Variants in CHD3 observed in about 807,000 individuals in gnomAD.
CHD3 encodes the protein chromodomain helicase DNA binding protein 3.
Under a neutral mutation model 248.9 loss-of-function variants are expected in CHD3, and 52 were observed. The observed-to-expected ratio is 0.21, with a 90% CI of 0.17 to 0.26. The LOEUF (loss-of-function observed/expected upper bound fraction) is 0.26, where lower values mean the gene tolerates loss of function less well. Among genes scored for constraint, CHD3 ranks in the 10% least tolerant of loss-of-function variants. CHD3 has a pLI of 1.00. For synonymous variants in CHD3, 985 were observed against 985.2 expected, an observed-to-expected ratio of 1.00 and a Z score of 0.00; for missense variants, 1,482 against 2,605.8, an observed-to-expected ratio of 0.57 and a Z score of 9.39.
Position 7,890,574 on chromosome 17 carries a change from A to G in CHD3, c.217A>G (p.Ser73Gly), listed in dbSNP as rs999597296. Residue 73 changes from serine (S) to glycine (G), a missense_variant, in exon 3 of 40, where the codon AGT becomes GGT. Physicochemically the swap from Ser to Gly is moderately conservative, Grantham distance 56 (BLOSUM62 0). Coordinates refer to ENST00000330494, the MANE Select transcript of CHD3 (RefSeq NM_001005273.3). ...TATTTTTATTTCTTTCTCTTAGGAC[A>G]GTGAGGAGGAATTTGGTTCTGAGCG... ...GKPRKRKKRD[S>G]EEEFGSERDE... The G allele has an allele frequency of 8.2e-6, 13 of 1,581,426 alleles. No homozygotes were observed. In the Admixed American group the frequency reaches 1.2e-4, roughly 14 times the overall value.
At position 7,899,600 on chromosome 17, in the gene CHD3, C is replaced by T. The variant is rs1970070234; in HGVS notation, c.2544+57C>T. The T allele has an allele frequency of 1.7e-5, 26 of 1,551,404 alleles. 1 individual carries two copies. The South Asian group carries it at 2.0e-4, about 12-fold the overall frequency. On this transcript the variant is annotated intron_variant, in intron 15 of 39. Coordinates refer to ENST00000330494, the MANE Select transcript of CHD3 (RefSeq NM_001005273.3). This position sits in a 1 kb window ranked among gnomAD's most constrained non-coding sequence, Gnocchi z 6.8. ...CCTCAAAGCTGTCACTTCTTTTTCTCAGCCAGGAATTCAGTTTCTCTATTC... is the reference window on the plus strand; with the variant it reads ...CCTCAAAGCTGTCACTTCTTTTTCTTAGCCAGGAATTCAGTTTCTCTATTC...
chr17:7,909,337 G>C lies in CHD3; in HGVS notation c.5589G>C (p.Lys1863Asn). ...GNKPANAVLH[K>N]VLNQLEELLS... Reference sequence around the variant, plus strand: ...AGCCGGCCAACGCCGTCCTGCACAAGGGTAAGGGCCGCGGCGGCCCCGCGC... The same window carrying C: ...AGCCGGCCAACGCCGTCCTGCACAACGGTAAGGGCCGCGGCGGCCCCGCGC... The change falls in exon 37 of 40, where the codon AAG (lysine) becomes AAC (asparagine). Residue 1863 changes from lysine to asparagine, a missense_variant and splice_region_variant. Lys to Asn is a moderately conservative substitution (Grantham distance 94, BLOSUM62 0). This residue lies in a region of CHD3 where 83 missense variants were observed against 181.0 expected (regional missense o/e 0.46). Transcript: ENST00000330494. This position sits in a 1 kb window ranked among gnomAD's most constrained non-coding sequence, Gnocchi z 8.1. The C allele has an allele frequency of 6.5e-7, 1 of 1,549,298 alleles. No individual in the cohort carries two copies. The highest frequency in any genetic ancestry group is 8.7e-7 in the Non-Finnish European group (1 of 1,146,912).
chr17:7,890,895 A>AG (rs1213050419), intron 3 of CHD3, 45 bp from the exon 4 acceptor site: 2 of 1,611,842 alleles, frequency 1.2e-6, no homozygotes, highest in Non-Finnish European at 1.7e-6. Flanking sequence ...GGCCTGGAAT[A>AG]GGGGCTGGAG....
chr17:7,911,009 C>T lies in CHD3; in HGVS notation c.5881+36C>T, dbSNP rs1170196885. The T allele has an allele frequency of 6.2e-7, 1 of 1,609,794 alleles. No homozygotes were observed. The highest frequency in any genetic ancestry group is 2.2e-5 in the East Asian group (1 of 44,872). On this transcript the variant is annotated intron_variant, in intron 39 of 39. Coordinates refer to ENST00000330494, the MANE Select transcript of CHD3 (RefSeq NM_001005273.3). The surrounding 1 kb of genome is among the most constrained non-coding windows in gnomAD (Gnocchi z 5.4). ...GTTTTCCTACCCCCTGCTACTCACA[C>T]TCCTCCTTTGCCAAACTTTATTTCT...
chr17:7,900,220 C>A lies in CHD3; in HGVS notation c.2683-70C>A. ...AAATGGGAGCTGGGGCAGGGAAAGG[C>A]TGATGCTGTGGGTCGGTCACTTGTC... On this transcript the variant is annotated intron_variant, in intron 16 of 39. Transcript: ENST00000330494. The surrounding 1 kb of genome is among the most constrained non-coding windows in gnomAD (Gnocchi z 6.5). 1 of 1,601,176 alleles carries A rather than the reference C, an allele frequency of 6.2e-7. No homozygotes were observed. The highest frequency in any genetic ancestry group is 1.1e-5 in the South Asian group (1 of 89,410).
chr17:7,911,435 T>A lies in CHD3; in HGVS notation c.5882-29T>A. The A allele has an allele frequency of 6.2e-7, 1 of 1,614,012 alleles. No homozygotes were observed. The highest frequency in any genetic ancestry group is 1.3e-5 in the African/African-American group (1 of 75,048). The stretch of plus-strand genomic sequence containing the variant: ...TGACGTTTGAGAGTGATCTGGAGAT[T>A]GATCTTTCCTTACCCCTTTCCCAAA... On this transcript the variant is annotated intron_variant, in intron 39 of 39. Coordinates refer to ENST00000330494, the MANE Select transcript of CHD3 (RefSeq NM_001005273.3). The surrounding 1 kb of genome is among the most constrained non-coding windows in gnomAD (Gnocchi z 5.4).
Position 7,909,044 on chromosome 17 carries a change from C to T in CHD3, c.5395-99C>T, listed in dbSNP as rs1321401181. 1 of 1,483,696 alleles carries T rather than the reference C, an allele frequency of 6.7e-7. No homozygotes were observed. The highest frequency in any genetic ancestry group is 9.1e-7 in the Non-Finnish European group (1 of 1,095,572). The allele number at this position is 1,483,696 out of a possible 1,614,324, so 91.9% of individuals were successfully genotyped here. On this transcript the variant is annotated intron_variant, in intron 36 of 39. Transcript: ENST00000330494. The surrounding 1 kb of genome is among the most constrained non-coding windows in gnomAD (Gnocchi z 8.1). Reference sequence around the variant, plus strand: ...TGGAGCTGGGAGTGCCCTGGGCCAGCAGTGAGGGCAGGGTGGGTCTCTTGC... The same window carrying T: ...TGGAGCTGGGAGTGCCCTGGGCCAGTAGTGAGGGCAGGGTGGGTCTCTTGC...
intron 20 of CHD3, 96 bp from the exon 21 acceptor site, chr17:7,902,514 A>G: frequency 1.4e-6 from 1 of 722,396 alleles, no homozygotes; most frequent in East Asian, 2.6e-5. Flanking sequence ...GTTCAGGTGT[A>G]AAGATTAGGG....
rs1362525227 is a variant in CHD3 at position 7,909,970 on chromosome 17, C to T, written c.5591-458C>T. On this transcript the variant is annotated intron_variant, in intron 37 of 39. Transcript: ENST00000330494. This position sits in a 1 kb window ranked among gnomAD's most constrained non-coding sequence, Gnocchi z 8.1. ...ATCTGTAATACTGACCTTCTAACCTCCCTCTCCCCTTACATATTAAAACCG... is the reference window on the plus strand; with the variant it reads ...ATCTGTAATACTGACCTTCTAACCTTCCTCTCCCCTTACATATTAAAACCG... The T allele has an allele frequency of 4.0e-6, 1 of 251,118 alleles. No individual in the cohort carries two copies. The highest frequency in any genetic ancestry group is 1.2e-4 in the East Asian group (1 of 8,142). The allele number at this position is 251,118 out of a possible 1,614,324, so 15.6% of individuals were successfully genotyped here. A position where few individuals can be genotyped will look rare whatever the true frequency, so the allele number is the denominator to read the frequency against.
In CHD3 at chr17:7,910,262, T is replaced by C. The variant is rs1971482026; in HGVS notation, c.5591-166T>C. On this transcript the variant is annotated intron_variant, in intron 37 of 39. Coordinates refer to ENST00000330494, the MANE Select transcript of CHD3 (RefSeq NM_001005273.3). This position sits in a 1 kb window ranked among gnomAD's most constrained non-coding sequence, Gnocchi z 4.7. ...TCCCCTGAGTTGCTTCTGTTTTCCATCTACTTCTTTTACTTTCTTGATCTC... is the reference window on the plus strand; with the variant it reads ...TCCCCTGAGTTGCTTCTGTTTTCCACCTACTTCTTTTACTTTCTTGATCTC... 1 of 821,292 alleles carries C rather than the reference T, an allele frequency of 1.2e-6. No homozygotes were observed. The highest frequency in any genetic ancestry group is 2.3e-5 in the Admixed American group (1 of 43,286). 50.9% of individuals were successfully genotyped at this position (821,292 alleles called of 1,614,324 possible).
At position 7,899,237 on chromosome 17, in the gene CHD3, G is replaced by A. The variant is rs774005018; in HGVS notation, c.2343+35G>A. The A allele has an allele frequency of 6.2e-7, 1 of 1,605,976 alleles. No homozygotes were observed. Among genetic ancestry groups the A allele is most frequent in the South Asian group, 1.1e-5 (1 of 90,934 alleles). ...TCTAGGACCTTGAAGGGGACCGCCT[G>A]GACTGGGGAAGTGGGGAGGGGGAAG... On this transcript the variant is annotated intron_variant, in intron 14 of 39. Transcript: ENST00000330494. This position sits in a 1 kb window ranked among gnomAD's most constrained non-coding sequence, Gnocchi z 6.8.
chr17:7,885,357 A>T (rs888652346), upstream of CHD3: 4 of 140,754 alleles, frequency 2.8e-5, no homozygotes, highest in African/African-American at 1.1e-4. Context: ...CCCCGGCTGG[A>T]GAGCGCTGGG....
At position 7,904,648 on chromosome 17, in the gene CHD3, A is replaced by G. The variant is rs1970695152; in HGVS notation, c.4072+29A>G. ...AGGACTGCCCCAGATGCAGGCAGTA[A>G]AGGGGGGAAGTGATGATGAGTAGGG... is the stretch of plus-strand genomic sequence containing the variant. On this transcript the variant is annotated intron_variant, in intron 25 of 39. Coordinates refer to ENST00000330494, the MANE Select transcript of CHD3 (RefSeq NM_001005273.3). The surrounding 1 kb of genome is among the most constrained non-coding windows in gnomAD (Gnocchi z 4.4). The G allele has an allele frequency of 6.3e-7, 1 of 1,595,360 alleles. No individual in the cohort carries two copies. Among genetic ancestry groups the G allele is most frequent in the Non-Finnish European group, 8.6e-7 (1 of 1,165,752 alleles).
At position 7,911,640 on chromosome 17, in the gene CHD3, C is replaced by T; in HGVS notation, c.*55C>T. Reference sequence around the variant, plus strand: ...CCCCGTCCCCGAGGCCGACCCCCAGCTCAAGCGCTGGGGCCTGCTGCCAGC... The same window carrying T: ...CCCCGTCCCCGAGGCCGACCCCCAGTTCAAGCGCTGGGGCCTGCTGCCAGC... On this transcript the variant is annotated 3_prime_UTR_variant, in exon 40 of 40. Coordinates refer to ENST00000330494, the MANE Select transcript of CHD3 (RefSeq NM_001005273.3). The surrounding 1 kb of genome is among the most constrained non-coding windows in gnomAD (Gnocchi z 5.4). 1 of 1,611,842 alleles carries T rather than the reference C, an allele frequency of 6.2e-7. No individual in the cohort carries two copies. Among genetic ancestry groups the T allele is most frequent in the Non-Finnish European group, 8.5e-7 (1 of 1,178,722 alleles).
rs753731518 is a variant in CHD3, at chr17:7,906,554, G to A, written c.4360G>A (p.Ala1454Thr). The A allele has an allele frequency of 6.2e-7, 1 of 1,613,800 alleles. No individual in the cohort carries two copies. The highest frequency in any genetic ancestry group is 1.1e-5 in the South Asian group (1 of 91,066). The change falls in exon 29 of 40, where the codon GCC (alanine) becomes ACC (threonine). Residue 1454 changes from alanine to threonine, a missense_variant and splice_region_variant. Ala to Thr is a moderately conservative substitution (Grantham distance 58). Around this residue, in one of 20 missense-constraint regions of CHD3, gnomAD observed 156 missense variants for 420.3 expected, o/e 0.37. Transcript: ENST00000330494. This position sits in a 1 kb window ranked among gnomAD's most constrained non-coding sequence, Gnocchi z 5.0. The part of the protein sequence containing the change: ...LRGKTEKEFK[A>T]YVSLFMRHLC... ...TCCTCCCACTCCCATGCTCCTTAGG[G>A]CCTATGTGTCTTTGTTCATGCGCCA...
rs976116597 is a variant in CHD3 at position 7,911,900 on chromosome 17, G to A, written c.*315G>A. Reference sequence around the variant, plus strand: ...ATACACAACTTCCCAGTAAATGGTTGTGGGGAGGAAAGAGGTGGAGCCTCC... The same window carrying A: ...ATACACAACTTCCCAGTAAATGGTTATGGGGAGGAAAGAGGTGGAGCCTCC... On this transcript the variant is annotated 3_prime_UTR_variant, in exon 40 of 40. Coordinates refer to ENST00000330494, the MANE Select transcript of CHD3 (RefSeq NM_001005273.3). This position sits in a 1 kb window ranked among gnomAD's most constrained non-coding sequence, Gnocchi z 5.4. 4 of 502,772 alleles carry A rather than the reference G, an allele frequency of 8.0e-6. No homozygotes were observed. The highest frequency in any genetic ancestry group is 9.9e-6 in the Non-Finnish European group (3 of 304,066). 31.1% of individuals were successfully genotyped at this position (502,772 alleles called of 1,614,324 possible).
At position 7,891,068 on chromosome 17, in the gene CHD3, CG is replaced by C; in HGVS notation, c.509+6del. 1 of 1,613,374 alleles carries C rather than the reference CG, an allele frequency of 6.2e-7. No homozygotes were observed. Among genetic ancestry groups the C allele is most frequent in the Non-Finnish European group, 8.5e-7 (1 of 1,179,470 alleles). Reference sequence around the variant, plus strand: ...AAGCCTTCAGCCAGTTCATGAGGTGCGGTAAGACTGGGGAATCCTCGCTAAT... The same window carrying C: ...AAGCCTTCAGCCAGTTCATGAGGTGCGTAAGACTGGGGAATCCTCGCTAAT... On this transcript the variant is annotated splice_donor_5th_base_variant and intron_variant, in intron 4 of 39. Coordinates refer to ENST00000330494, the MANE Select transcript of CHD3 (RefSeq NM_001005273.3).
Position 7,903,738 on chromosome 17 carries a change from T to A in CHD3, c.3728-87T>A. 1 of 1,430,938 alleles carries A rather than the reference T, an allele frequency of 7.0e-7. No homozygotes were observed. The highest frequency in any genetic ancestry group is 1.9e-4 in the Middle Eastern group (1 of 5,304). The allele number at this position is 1,430,938 out of a possible 1,614,324, so 88.6% of individuals were successfully genotyped here. Reference sequence around the variant, plus strand: ...GGGAAAAAGCCTTCTCTAGGGCTCCTGTGAAAAGGACGCAGAGTAGAAGCT... The same window carrying A: ...GGGAAAAAGCCTTCTCTAGGGCTCCAGTGAAAAGGACGCAGAGTAGAAGCT... On this transcript the variant is annotated intron_variant, in intron 23 of 39. Coordinates refer to ENST00000330494, the MANE Select transcript of CHD3 (RefSeq NM_001005273.3). This position sits in a 1 kb window ranked among gnomAD's most constrained non-coding sequence, Gnocchi z 6.8.
upstream of CHD3, chr17:7,885,202 C>G (rs1350175399): frequency 7.5e-6 from 7 of 929,862 alleles, no homozygotes; most frequent in Non-Finnish European, 1.3e-6. Context: ...AGCGCGAATC[C>G]GGGGCTCGGG....
Sources: allele counts gnomAD v4.1 joint callset, GRCh38; gene constraint gnomAD v4.1.1; regional missense constraint gnomAD v4.1.1; non-coding constraint Gnocchi (gnomAD v3.1); transcripts MANE v1.5; gene names NCBI Gene and HGNC (gene_info 2026-07-23, HGNC 2026-07-21).